Variants in NAV3 observed in about 807,000 individuals in gnomAD.
NAV3 encodes neuron navigator 3.
Under a neutral mutation model 244.7 loss-of-function variants are expected in NAV3, and 87 were observed. That is an observed-to-expected ratio of 0.36 (90% confidence interval 0.30 to 0.42). NAV3 has a LOEUF of 0.42. Among genes scored for constraint, NAV3 ranks in the 20% least tolerant of loss-of-function variants. The pLI, the probability that NAV3 is intolerant of heterozygous loss-of-function variation, is 1.00. For synonymous variants in NAV3, 1,126 were observed against 1,042.2 expected (o/e 1.08, Z -1.55); for missense variants, 2,663 against 2,893.3 (o/e 0.92, Z 1.83).
At chr12:77,919,890 G>A (rs1382576191) in intron 1 of NAV3, among the ~76,000 whole-genome samples, 1 of 151,982 alleles carries the variant, frequency 6.6e-6, no homozygotes, top group Non-Finnish European at 1.5e-5. Context: ...TTTTGTCACT[G>A]TGGGAGCTCT....
At chr12:78,068,459 G>A (rs971073420) in intron 12 of NAV3, among the ~76,000 whole-genome samples, 3 of 150,536 alleles carry the variant, frequency 2.0e-5, no homozygotes, top group Non-Finnish European at 4.4e-5. Context: ...AATGTATAAT[G>A]GTATCTATTT....
chr12:78,155,096 G>T (rs1009861563), intron 22 of NAV3, among the ~76,000 whole-genome samples: 5 of 152,014 alleles, frequency 3.3e-5, no homozygotes, highest in African/African-American at 1.2e-4. Context: ...ATGCCATAGT[G>T]ATTTGCTGCA....
chr12:77,780,669 C>A (rs1382127945), intron 2 of NAV3, among the ~76,000 whole-genome samples: 2 of 152,126 alleles, frequency 1.3e-5, no homozygotes, highest in South Asian at 4.1e-4. Context: ...GTGATAGGGG[C>A]CTTATCTTTC....
At chr12:77,957,464 A>G (rs1429771212) in intron 3 of NAV3, among the ~76,000 whole-genome samples, 3 of 152,238 alleles carry the variant, frequency 2.0e-5, no homozygotes, top group Non-Finnish European at 4.4e-5. Flanking sequence ...AAATGTGAAT[A>G]GACAAGATAT....
At chr12:77,580,424 G>C (rs75353065) in intron 2 of NAV3, among the ~76,000 whole-genome samples, 3,634 of 152,240 alleles carry the variant, frequency 0.024, 114 homozygotes, top group African/African-American at 0.083. Context: ...GAGAGAGTCA[G>C]AGGGAGAATT....
At chr12:77,639,410 C>T (rs1242928455) in intron 2 of NAV3, among the ~76,000 whole-genome samples, 1 of 152,096 alleles carries the variant, frequency 6.6e-6, no homozygotes, top group African/African-American at 2.4e-5. Flanking sequence ...TTATTTTTCT[C>T]TATAGCACTC....
At chr12:77,641,073 G>C (rs1052273875) in intron 2 of NAV3, among the ~76,000 whole-genome samples, 1 of 152,098 alleles carries the variant, frequency 6.6e-6, no homozygotes, top group Non-Finnish European at 1.5e-5. Context: ...TGTGATTGCT[G>C]TCTCATTCCT....
rs1043806291 is a variant in NAV3, at chr12:78,120,482, A to G, written c.3749+537A>G. Among the ~76,000 whole-genome samples, 64 of 152,218 alleles carry G rather than the reference A, an allele frequency of 4.2e-4. 1 individual carries two copies. Among genetic ancestry groups the G allele is most frequent in the Non-Finnish European group, 1.6e-4 (11 of 68,040 alleles). On this transcript the variant is annotated intron_variant, in intron 15 of 39. Transcript: ENST00000397909. Reference sequence around the variant, plus strand: ...TTGACACATTAAAGACAATCAAGATATGACATAATTTGAAACTATTCCAGT... The same window carrying G: ...TTGACACATTAAAGACAATCAAGATGTGACATAATTTGAAACTATTCCAGT...
intron 39 of NAV3, among the ~76,000 whole-genome samples, chr12:78,208,230 C>A (rs1014722297): frequency 2.0e-5 from 3 of 152,052 alleles, no homozygotes; most frequent in African/African-American, 4.8e-5. Flanking sequence ...TCTTTAATAA[C>A]CTGCTCTCGC....
At position 78,212,679 on chromosome 12, in the gene NAV3, G is replaced by T. The variant is rs1262036317; in HGVS notation, c.*2162G>T. 3 of 152,592 alleles carry T rather than the reference G, an allele frequency of 2.0e-5. No individual in the cohort carries two copies. Among genetic ancestry groups the T allele is most frequent in the African/African-American group, 7.2e-5 (3 of 41,436 alleles). The allele number at this position is 152,592 out of a possible 1,614,324, so 9.5% of individuals were successfully genotyped here. A position where few individuals can be genotyped will look rare whatever the true frequency, so the allele number is the denominator to read the frequency against. On this transcript the variant is annotated 3_prime_UTR_variant, in exon 40 of 40. Coordinates refer to ENST00000397909, the MANE Select transcript of NAV3 (RefSeq NM_001024383.2). ...AACATGAGCATAAACAGAATTTCCT[G>T]CAATACATCCCAGTAGGTCCACCTA...
intron 2 of NAV3, among the ~76,000 whole-genome samples, chr12:77,687,288 G>T (rs1043546795): frequency 6.7e-6 from 1 of 150,140 alleles, no homozygotes; most frequent in African/African-American, 2.5e-5. Context: ...CTGATACCTT[G>T]TTTTTATTAG....
chr12:78,023,948 C>T (rs532372215), intron 9 of NAV3, among the ~76,000 whole-genome samples: 1 of 152,250 alleles, frequency 6.6e-6, no homozygotes, highest in South Asian at 2.1e-4. Context: ...TTCTCATCAT[C>T]ATACCCTAGA....
intron 1 of NAV3, among the ~76,000 whole-genome samples, chr12:77,871,496 T>G (rs1298804218): frequency 6.6e-6 from 1 of 152,174 alleles, no homozygotes; most frequent in Non-Finnish European, 1.5e-5. Context: ...GTCCATTTGT[T>G]CTCATTGTTC....
chr12:77,771,081 A>T (rs1870055615), intron 2 of NAV3, among the ~76,000 whole-genome samples: 1 of 152,082 alleles, frequency 6.6e-6, no homozygotes, highest in African/African-American at 2.4e-5. Context: ...AAAACAAACA[A>T]CCCCATCAAA....
At chr12:78,068,965 A>G (rs967269607) in intron 12 of NAV3, among the ~76,000 whole-genome samples, 1 of 151,402 alleles carries the variant, frequency 6.6e-6, no homozygotes, top group Non-Finnish European at 1.5e-5. Flanking sequence ...TTCAAGAACT[A>G]GGCATGAATT....
intron 1 of NAV3, among the ~76,000 whole-genome samples, chr12:77,915,759 G>T (rs1592989000): frequency 6.6e-6 from 1 of 151,866 alleles, no homozygotes; most frequent in African/African-American, 2.4e-5. Context: ...AAATTGGTAA[G>T]GTCTTTGATA....
At chr12:77,947,891 T>C (rs1259103606) in intron 3 of NAV3, among the ~76,000 whole-genome samples, 1 of 152,030 alleles carries the variant, frequency 6.6e-6, no homozygotes, top group African/African-American at 2.4e-5. Context: ...TGACATAACA[T>C]GGAGGCATTA....
chr12:78,140,700 G>A lies in NAV3; in HGVS notation c.4683+366G>A, dbSNP rs149822042. On this transcript the variant is annotated intron_variant, in intron 20 of 39. Coordinates refer to ENST00000397909, the MANE Select transcript of NAV3 (RefSeq NM_001024383.2). The stretch of plus-strand genomic sequence containing the variant: ...TTGTCCATGTTTTGTTCTTTGAGCC[G>A]TGACTGTTAATTGTTCTATAGTATT... 7.2e-4 allele frequency among the ~76,000 whole-genome samples: 109 copies of A among 152,088 alleles called. No homozygotes were observed. The East Asian group carries it at 0.011, about 15-fold the overall frequency.
chr12:78,147,901 T>C (rs1052497593), intron 21 of NAV3, among the ~76,000 whole-genome samples: 12 of 152,090 alleles, frequency 7.9e-5, no homozygotes, highest in African/African-American at 2.7e-4. Context: ...TCCAAGTAAC[T>C]GAAATCCCTT....
Sources: allele counts gnomAD v4.1 joint callset (sites outside exome capture counted in the v4.1 genomes callset), GRCh38; gene constraint gnomAD v4.1.1; transcripts MANE v1.5; gene names NCBI Gene and HGNC (gene_info 2026-07-23, HGNC 2026-07-21).